TRIM31: variants seen among roughly 807,000 people sequenced by gnomAD.
TRIM31 encodes tripartite motif containing 31, also known as E3 ubiquitin-protein ligase TRIM31.
In TRIM31, 31 loss-of-function variants were observed where a neutral mutation model predicts 40.6. The observed-to-expected ratio is 0.76, with a 90% CI of 0.57 to 1.03. The LOEUF (loss-of-function observed/expected upper bound fraction) is 1.03. Among genes scored for constraint, TRIM31 ranks in the 50% least tolerant of loss-of-function variants. The pLI is 0.00. For synonymous variants in TRIM31, 164 were observed against 193.9 expected (o/e 0.85, Z 1.28); for missense variants, 455 against 497.5 (o/e 0.91, Z 0.81).
intron 4 of TRIM31, 54 bp from the exon 5 acceptor site, chr6:30,109,102 C>T: frequency 6.3e-7 from 1 of 1,598,608 alleles, no homozygotes; most frequent in Non-Finnish European, 8.6e-7. Context: ...TTCCCAGGAG[C>T]CAAGGAGGAG....
At position 30,103,081 on chromosome 6, in the gene TRIM31, T is replaced by C. The variant is rs1365178682; in HGVS notation, c.*455A>G. On this transcript the variant is annotated 3_prime_UTR_variant, in exon 9 of 9. Coordinates refer to ENST00000376734, the MANE Select transcript of TRIM31 (RefSeq NM_007028.5). Reference sequence around the variant, plus strand: ...GAGGGGTTGGGAGAGAAGGGGGACGTGGGAATGTAAGGAAGAGCGAGAGTG... The same window carrying C: ...GAGGGGTTGGGAGAGAAGGGGGACGCGGGAATGTAAGGAAGAGCGAGAGTG... The C allele has an allele frequency of 5.4e-6, 1 of 185,006 alleles. No homozygotes were observed. Among genetic ancestry groups the C allele is most frequent in the Non-Finnish European group, 1.1e-5 (1 of 88,160 alleles). The allele number at this position is 185,006 out of a possible 1,614,324, so 11.5% of individuals were successfully genotyped here.
chr6:30,111,351 A>G (rs999354884), intron 3 of TRIM31: 1 of 397,976 alleles, frequency 2.5e-6, no homozygotes, highest in Non-Finnish European at 4.5e-6. Flanking sequence ...TCATTTTCTA[A>G]TTGGGGAATC....
intron 3 of TRIM31, among the ~76,000 whole-genome samples, chr6:30,111,023 CTTCT>C (rs1769250399): frequency 7.8e-6 from 1 of 128,370 alleles, no homozygotes; most frequent in Admixed American, 8.4e-5. Context: ...CTTCATTTTC[CTTCT>C]GTCTTTTTTT....
In TRIM31 at chr6:30,103,674, A is replaced by C. The variant is rs142152030; in HGVS notation, c.1140T>G (p.Tyr380Ter). The C allele has an allele frequency of 6.2e-7, 1 of 1,612,942 alleles. No homozygotes were observed. Among genetic ancestry groups the C allele is most frequent in the Non-Finnish European group, 8.5e-7 (1 of 1,180,038 alleles). The change falls in exon 9 of 9, where the codon TAT (tyrosine) becomes TAG (stop). Residue 380 changes from tyrosine (Y) to a stop codon, truncating the protein, a stop_gained. Coordinates refer to ENST00000376734, the MANE Select transcript of TRIM31 (RefSeq NM_007028.5). LOFTEE classifies it low-confidence loss of function (END_TRUNC). The stretch of plus-strand genomic sequence containing the variant: ...TCGCTCCTTGACCAGAAATCTCATC[A>C]TAAGAGGCCAGGAGACATACTGGAA... Reference protein sequence around the residue: ...VTFPVCLLASYDEISGQGASS... With the variant: ...VTFPVCLLAS
chr6:30,112,802 C>A lies in TRIM31; in HGVS notation c.4G>T (p.Ala2Ser). 1 of 1,602,842 alleles carries A rather than the reference C, an allele frequency of 6.2e-7. No homozygotes were observed. Among genetic ancestry groups the A allele is most frequent in the South Asian group, 1.1e-5 (1 of 88,848 alleles). The change falls in exon 2 of 9, where the codon GCC becomes TCC. Residue 2 changes from alanine to serine, a missense_variant. By Grantham distance (99) the Ala-to-Ser change is moderately conservative. Coordinates refer to ENST00000376734, the MANE Select transcript of TRIM31 (RefSeq NM_007028.5). Reference sequence around the variant, plus strand: ...AGTTTGTTCACAAACTGCCCACTGGCCATGACAGAACAACAGGGCTGTTTC... The same window carrying A: ...AGTTTGTTCACAAACTGCCCACTGGACATGACAGAACAACAGGGCTGTTTC... M[A>S]SGQFVNKLQE...
chr6:30,110,510 G>A lies in TRIM31; in HGVS notation c.682C>T (p.Leu228Phe). The change falls in exon 4 of 9, where the codon CTC (leucine) becomes TTC (phenylalanine). Residue 228 changes from leucine (L) to phenylalanine (F), a missense_variant. Coordinates refer to ENST00000376734, the MANE Select transcript of TRIM31 (RefSeq NM_007028.5). ...VASTEPQLND[L>F]KKLVDSLKTK... ...TTCAGGGAATCAACGAGCTTCTTGA[G>A]ATCGTTCAACTGTGGCTCAGTGGAG... The A allele has an allele frequency of 1.2e-6, 2 of 1,614,176 alleles. No individual in the cohort carries two copies. Among genetic ancestry groups the A allele is most frequent in the Non-Finnish European group, 1.7e-6 (2 of 1,180,040 alleles).
At chr6:30,108,268 T>C in intron 5 of TRIM31, 100 bp from the exon 6 acceptor site, 1 of 838,738 alleles carries the variant, frequency 1.2e-6, no homozygotes, top group Non-Finnish European at 2.0e-6. Context: ...GATGAAGACC[T>C]GGGGGTAGAA....
intron 8 of TRIM31, 29 bp from the exon 9 acceptor site, chr6:30,103,818 G>C: frequency 3.1e-6 from 5 of 1,611,314 alleles, no homozygotes; most frequent in Non-Finnish European, 4.2e-6. Flanking sequence ...GGAGAAAAGA[G>C]GTCAGCGGGA....
At chr6:30,108,924 G>A in intron 5 of TRIM31, 102 bp downstream of exon 5, 1 of 1,215,072 alleles carries the variant, frequency 8.2e-7, no homozygotes, top group East Asian at 2.3e-5. Flanking sequence ...AGAGGTGGGT[G>A]GGTATTTCTG....
rs1215702767 is a variant in TRIM31, at chr6:30,103,581, CCACT to C, written c.1229_1232del (p.Glu410GlyfsTer2). 4 of 1,613,094 alleles carry C rather than the reference CCACT, an allele frequency of 2.5e-6. No homozygotes were observed. Among genetic ancestry groups the C allele is most frequent in the East Asian group, 4.5e-5 (2 of 44,890 alleles). Reference sequence around the variant, plus strand: ...AAAACCAAGCCCGGATCGCTGTCAGCCACTCACTCAGTGCCGCATGGAGCTCCTC... The same window carrying C: ...AAAACCAAGCCCGGATCGCTGTCAGCCACTCAGTGCCGCATGGAGCTCCTC... On this transcript the variant is annotated frameshift_variant, in exon 9 of 9. Coordinates refer to ENST00000376734, the MANE Select transcript of TRIM31 (RefSeq NM_007028.5). LOFTEE classifies it low-confidence loss of function (END_TRUNC).
At position 30,108,153 on chromosome 6, in the gene TRIM31, C is replaced by G; in HGVS notation, c.783G>C (p.Gln261His). Residue 261 changes from glutamine (Q) to histidine (H), a missense_variant, in exon 6 of 9, where the codon CAG (glutamine) becomes CAC (histidine). Physicochemically the swap from Gln to His is conservative, Grantham distance 24. Coordinates refer to ENST00000376734, the MANE Select transcript of TRIM31 (RefSeq NM_007028.5). ...GAGGAACAGGGGTTGGGTTGAGAAA[C>G]TGAAACTCTTCACTTCTAGGAAGAT... is the stretch of plus-strand genomic sequence containing the variant. ...KVVLCRSEEF[Q>H]FLNPTPVPLE... The G allele has an allele frequency of 6.2e-7, 1 of 1,608,966 alleles. No individual in the cohort carries two copies.
rs61758092 is a variant in TRIM31, at chr6:30,112,788, A to C, written c.18T>G (p.Phe6Leu). Residue 6 changes from phenylalanine to leucine, a missense_variant, in exon 2 of 9, where the codon TTT becomes TTG. Physicochemically the swap from Phe to Leu is conservative, Grantham distance 22. Coordinates refer to ENST00000376734, the MANE Select transcript of TRIM31 (RefSeq NM_007028.5). ...TCACTTCCTCTTGCAGTTTGTTCAC[A>C]AACTGCCCACTGGCCATGACAGAAC... MASGQ[F>L]VNKLQEEVIC... The C allele has an allele frequency of 3.0e-3, 4,909 of 1,609,958 alleles. 54 individuals are homozygous for C. In the African/African-American group the frequency reaches 0.032, roughly 11 times the overall value.
At chr6:30,109,005 A>G (rs777455967) in intron 5 of TRIM31, 21 bp downstream of exon 5, 4 of 1,612,568 alleles carry the variant, frequency 2.5e-6, no homozygotes, top group Admixed American at 3.3e-5. Context: ...GGCAAAATAC[A>G]TTTGGGGTGG....
chr6:30,103,906 C>T (rs1351102175), intron 8 of TRIM31, 117 bp from the exon 9 acceptor site: 2 of 1,498,972 alleles, frequency 1.3e-6, no homozygotes, highest in Non-Finnish European at 1.8e-6. Flanking sequence ...AGGTGAAACT[C>T]AAGAAAGTAC....
chr6:30,105,114 C>T, intron 7 of TRIM31, 54 bp downstream of exon 7: 2 of 1,512,548 alleles, frequency 1.3e-6, no homozygotes, highest in Non-Finnish European at 1.8e-6. Context: ...AATTCTTCCC[C>T]TTTTCTCACT....
intron 3 of TRIM31, 116 bp from the exon 4 acceptor site, chr6:30,110,794 GC>G: frequency 1.0e-6 from 1 of 962,990 alleles, no homozygotes; most frequent in Non-Finnish European, 1.5e-6. Flanking sequence ...AGAGCAATGT[GC>G]CAGGGCAGAC....
intron 8 of TRIM31, 84 bp from the exon 9 acceptor site, chr6:30,103,873 T>G: frequency 6.3e-7 from 1 of 1,584,032 alleles, no homozygotes; most frequent in African/African-American, 1.3e-5. Flanking sequence ...ACAGCTGAGC[T>G]CTACATACAG....
intron 6 of TRIM31, chr6:30,105,677 T>G (rs1768609650): frequency 6.5e-6 from 1 of 154,468 alleles, no homozygotes; most frequent in South Asian, 2.0e-4. Flanking sequence ...AAATTAATGA[T>G]TCTTCACATA....
At chr6:30,109,168 C>G in intron 4 of TRIM31, 120 bp from the exon 5 acceptor site, 1 of 956,762 alleles carries the variant, frequency 1.0e-6, no homozygotes, top group East Asian at 2.4e-5. Flanking sequence ...CCCTCCAAGT[C>G]TCTCTTACCC....
Sources: gnomAD v4.1 joint callset for allele counts (sites outside exome capture counted in the v4.1 genomes callset) on GRCh38, gnomAD v4.1.1 for gene constraint, MANE v1.5 for transcripts, NCBI Gene and HGNC (gene_info 2026-07-23, HGNC 2026-07-21) for gene names.